Variants in EPC1 observed in about 807,000 individuals in gnomAD.
The protein encoded by EPC1 is enhancer of polycomb homolog 1.
Under a neutral mutation model 98.4 loss-of-function variants are expected in EPC1, and 12 were observed. The observed-to-expected ratio is 0.12, with a 90% confidence interval of 0.08 to 0.20. The LOEUF (loss-of-function observed/expected upper bound fraction) is 0.20. Ranked by LOEUF, EPC1 falls within the 10% of genes least tolerant of loss-of-function variation. The pLI is 1.00. For synonymous variants in EPC1, 357 were observed against 363.9 expected (o/e 0.98, Z 0.21); for missense variants, 729 against 990.5 (o/e 0.74, Z 3.54).
At chr10:32,274,815 C>T (rs561696889) in intron 10 of EPC1, among the ~76,000 whole-genome samples, 1 of 151,936 alleles carries the variant, frequency 6.6e-6, no homozygotes, top group Non-Finnish European at 1.5e-5. Flanking sequence ...ATGTGTTATA[C>T]CAAAACTTGA....
chr10:32,310,114 G>A (rs1486160629), intron 1 of EPC1, among the ~76,000 whole-genome samples: 1 of 152,106 alleles, frequency 6.6e-6, no homozygotes, highest in Non-Finnish European at 1.5e-5. Context: ...AGAATCGCTT[G>A]AACCCAGGAG....
intron 1 of EPC1, among the ~76,000 whole-genome samples, chr10:32,308,044 A>G (rs1342441153): frequency 6.6e-6 from 1 of 152,186 alleles, no homozygotes; most frequent in African/African-American, 2.4e-5. Context: ...ACTAGTTCTG[A>G]TATCTGGCAC....
intron 1 of EPC1, among the ~76,000 whole-genome samples, chr10:32,320,101 G>A (rs7076801): frequency 0.05 from 7,644 of 152,116 alleles, 608 homozygotes; most frequent in African/African-American, 0.17. Flanking sequence ...GTGTTAACAC[G>A]TCTGGGTAAA....
intron 1 of EPC1, among the ~76,000 whole-genome samples, chr10:32,333,582 A>C (rs1837770054): frequency 6.6e-6 from 1 of 152,176 alleles, no homozygotes; most frequent in African/African-American, 2.4e-5. Flanking sequence ...TTCTGAGCCA[A>C]GATCAAATCC....
At chr10:32,340,519 T>C (rs150293495) in intron 1 of EPC1, among the ~76,000 whole-genome samples, 129 of 152,308 alleles carry the variant, frequency 8.5e-4, no homozygotes, top group African/African-American at 3.0e-3. Context: ...AGGCAACAGT[T>C]AGCATCAATA....
chr10:32,348,454 C>T (rs1838999071), upstream of EPC1, among the ~76,000 whole-genome samples: 1 of 152,188 alleles, frequency 6.6e-6, no homozygotes, highest in African/African-American at 2.4e-5. Flanking sequence ...TAATCACGCT[C>T]CTTAAATACT....
Position 32,287,202 on chromosome 10 carries a change from C to G in EPC1, c.1048G>C (p.Ala350Pro). ...GGACTCGTCTGTTGGGGAGTAGCAG[C>G]GGCAGACGATGGTAAGACTTTGGGC... Reference protein sequence around the residue: ...KKPKVLPSSAAATPQQTSPAA... With the variant: ...KKPKVLPSSAPATPQQTSPAA... The change falls in exon 7 of 14, where the codon GCT becomes CCT. Residue 350 changes from alanine (A) to proline (P), a missense_variant. This residue lies in a region of EPC1 where 390 missense variants were observed against 438.6 expected (regional missense o/e 0.89). Transcript: ENST00000319778. The G allele has an allele frequency of 6.2e-7, 1 of 1,614,062 alleles. No homozygotes were observed. Among genetic ancestry groups the G allele is most frequent in the Middle Eastern group, 1.7e-4 (1 of 6,060 alleles).
chr10:32,314,753 A>G (rs1836452809), intron 1 of EPC1, among the ~76,000 whole-genome samples: 1 of 152,224 alleles, frequency 6.6e-6, no homozygotes, highest in Non-Finnish European at 1.5e-5. Context: ...TAAGAGTGAC[A>G]TTAACTATCT....
rs1339611823 is a variant in EPC1, at chr10:32,268,511, A to G, written c.*552T>C. Reference sequence around the variant, plus strand: ...TTTTTTTTCACATGATACACAGAAAACTCAAGGACCCAGAGGGGAACCAAG... The same window carrying G: ...TTTTTTTTCACATGATACACAGAAAGCTCAAGGACCCAGAGGGGAACCAAG... On this transcript the variant is annotated 3_prime_UTR_variant, in exon 14 of 14. Coordinates refer to ENST00000319778, the MANE Select transcript of EPC1 (RefSeq NM_001272004.3). 1 of 150,386 alleles carries G rather than the reference A, an allele frequency of 6.6e-6. No individual in the cohort carries two copies. The highest frequency in any genetic ancestry group is 1.5e-5 in the Non-Finnish European group (1 of 67,870). The allele number at this position is 150,386 out of a possible 1,614,324, so 9.3% of individuals were successfully genotyped here.
intron 1 of EPC1, among the ~76,000 whole-genome samples, chr10:32,336,648 T>C (rs1222315734): frequency 1.3e-5 from 2 of 152,138 alleles, no homozygotes; most frequent in South Asian, 2.1e-4. Flanking sequence ...TCATACCTCA[T>C]AGAGAAAATA....
chr10:32,373,194 C>T (rs992580158), intron 1 of EPC1, among the ~76,000 whole-genome samples: 2 of 152,178 alleles, frequency 1.3e-5, no homozygotes, highest in African/African-American at 4.8e-5. Context: ...GTATAAACCT[C>T]TCTATGCCTC....
rs185270277 is a variant in EPC1, at chr10:32,343,658, A to G, written c.153+3105T>C. On this transcript the variant is annotated intron_variant, in intron 1 of 13. Transcript: ENST00000319778. ...AGTACTACTACAATTAAAAAAATAG[A>G]TAAGTTCAGTAACATTTTCTGCCTC... 4.2e-3 allele frequency among the ~76,000 whole-genome samples: 624 copies of G among 147,262 alleles called. 7 individuals carry two copies. Among genetic ancestry groups the G allele is most frequent in the African/African-American group, 0.014 (574 of 40,112 alleles).
At chr10:32,273,362 A>G in intron 10 of EPC1, 81 bp from the exon 11 acceptor site, 3 of 1,495,102 alleles carry the variant, frequency 2.0e-6, no homozygotes, top group South Asian at 1.3e-5. Context: ...AAAATTCTGC[A>G]TTAAATCTGT....
chr10:32,294,438 C>T (rs866034987), intron 2 of EPC1, among the ~76,000 whole-genome samples: 7 of 152,194 alleles, frequency 4.6e-5, no homozygotes, highest in South Asian at 2.1e-4. Context: ...TAATTTTGTG[C>T]GTGAAGTTTT....
At chr10:32,269,339 C>A in intron 13 of EPC1, 1 of 472,130 alleles carries the variant, frequency 2.1e-6, no homozygotes, top group Admixed American at 3.6e-5. Flanking sequence ...ATTCCACAGT[C>A]AACTACATTA....
rs768787071 is a variant in EPC1 at position 32,271,901 on chromosome 10, T to G, written c.2022A>C (p.Leu674Phe). 14 of 1,613,782 alleles carry G rather than the reference T, an allele frequency of 8.7e-6. No homozygotes were observed. The South Asian group carries it at 1.5e-4, about 18-fold the overall frequency. Residue 674 changes from leucine to phenylalanine, a missense_variant, in exon 13 of 14, where the codon TTA (leucine) becomes TTC (phenylalanine). Physicochemically the swap from Leu to Phe is conservative, Grantham distance 22 (BLOSUM62 0). Around this residue, in one of 6 missense-constraint regions of EPC1, gnomAD observed 156 missense variants for 188.9 expected, o/e 0.83. Transcript: ENST00000319778. ...CTGTTGGTGTAGTACTACTGAGGTG[T>G]AAGCCCTTGTATACTCCTAGAGAGA... is the stretch of plus-strand genomic sequence containing the variant. ...VLPASGVYKG[L>F]HLSSTTPTAL...
intron 1 of EPC1, among the ~76,000 whole-genome samples, chr10:32,375,796 T>A (rs1003801328): frequency 4.6e-5 from 7 of 152,084 alleles, no homozygotes; most frequent in Non-Finnish European, 8.8e-5. Context: ...GGGAATTTTT[T>A]AAAATAATTT....
intron 1 of EPC1, among the ~76,000 whole-genome samples, chr10:32,359,672 GATTT>G (rs201461485): frequency 0.011 from 1,712 of 152,204 alleles, 38 homozygotes; most frequent in African/African-American, 0.04. Flanking sequence ...ACTCTTCTGA[GATTT>G]ATTTTTCATA....
At chr10:32,316,678 A>G (rs1836570151) in intron 1 of EPC1, among the ~76,000 whole-genome samples, 1 of 152,214 alleles carries the variant, frequency 6.6e-6, no homozygotes, top group African/African-American at 2.4e-5. Context: ...AAGGGGAATG[A>G]AAGAGTTTTC....
Sources: gnomAD v4.1 joint callset for allele counts (sites outside exome capture counted in the v4.1 genomes callset) on GRCh38, gnomAD v4.1.1 for gene constraint, gnomAD v4.1.1 regional missense constraint, MANE v1.5 for transcripts, NCBI Gene and HGNC (gene_info 2026-07-23, HGNC 2026-07-21) for gene names.